PRDM16: variants seen among roughly 807,000 people sequenced by gnomAD.
PRDM16 encodes histone-lysine N-methyltransferase PRDM16.
A neutral mutation model predicts 110.6 loss-of-function variants in PRDM16; 23 were observed. The ratio of observed to expected loss-of-function variants is 0.21; its 90% CI spans 0.15 to 0.29. The LOEUF is 0.29. PRDM16 is among the 10% of genes least tolerant of loss of function. PRDM16 has a pLI of 1.00. For missense variants in PRDM16, 1,615 were observed against 1,794.3 expected (o/e 0.90, Z 1.81); for synonymous variants, 799 against 781.8 (o/e 1.02, Z -0.37).
rs1642662741 is a variant in PRDM16 at position 3,358,887 on chromosome 1, G to A, written c.439-26265G>A. ...ACAGACACCCCTCTTGGGCCGCAGA[G>A]GAGGTGGGGAAGCCGTGAAGATGTT... is the stretch of plus-strand genomic sequence containing the variant. On this transcript the variant is annotated intron_variant, in intron 3 of 16. Transcript: ENST00000270722. This position sits in a 1 kb window ranked among gnomAD's most constrained non-coding sequence, Gnocchi z 4.0. 6.6e-6 allele frequency among the ~76,000 whole-genome samples: 1 copy of A among 152,194 alleles called. No homozygotes were observed. Among genetic ancestry groups the A allele is most frequent in the Admixed American group, 6.5e-5 (1 of 15,276 alleles).
intron 16 of PRDM16, 23 bp from the exon 17 acceptor site, chr1:3,433,654 G>T: frequency 6.2e-7 from 1 of 1,608,512 alleles, no homozygotes; most frequent in Admixed American, 1.7e-5. Flanking sequence ...TGTCCTGTGT[G>T]TGTGTCATCC....
At chr1:3,357,564 C>A (rs952065037) in intron 3 of PRDM16, among the ~76,000 whole-genome samples, 2 of 139,144 alleles carry the variant, frequency 1.4e-5, no homozygotes, top group Non-Finnish European at 2.9e-5. Flanking sequence ...CCGTTCCCCC[C>A]ACGGGCCCCC....
intron 2 of PRDM16, among the ~76,000 whole-genome samples, chr1:3,223,885 C>A (rs545555048): frequency 9.2e-5 from 14 of 152,312 alleles, no homozygotes; most frequent in African/African-American, 3.1e-4. Flanking sequence ...ACTTTAAACA[C>A]CGTGAGCAGA....
chr1:3,424,000 C>G (rs1461289601), intron 12 of PRDM16, among the ~76,000 whole-genome samples: 1 of 152,252 alleles, frequency 6.6e-6, no homozygotes, highest in Non-Finnish European at 1.5e-5. Context: ...AGGCATGGCA[C>G]ACACGCACAT....
intron 3 of PRDM16, among the ~76,000 whole-genome samples, chr1:3,366,130 AG>A (rs1024498443): frequency 6.6e-6 from 1 of 152,196 alleles, no homozygotes; most frequent in Non-Finnish European, 1.5e-5. Context: ...CCTGTGGCTC[AG>A]GGGGGCTCTA....
chr1:3,203,006 A>C (rs921879486), intron 2 of PRDM16, among the ~76,000 whole-genome samples: 12 of 152,002 alleles, frequency 7.9e-5, no homozygotes, highest in African/African-American at 2.7e-4. Context: ...CACTGGTCGT[A>C]CCCTTGCCCC....
intron 1 of PRDM16, among the ~76,000 whole-genome samples, chr1:3,097,004 G>A (rs1642417037): frequency 6.6e-6 from 1 of 152,142 alleles, no homozygotes; most frequent in Non-Finnish European, 1.5e-5. Context: ...GCTCCCTCTG[G>A]GAGCCACCTG....
chr1:3,223,186 T>G (rs1639214922), intron 2 of PRDM16, among the ~76,000 whole-genome samples: 1 of 143,362 alleles, frequency 7.0e-6, no homozygotes. Flanking sequence ...CTTGGCTCAC[T>G]GCAACCTCCG....
At chr1:3,407,982 C>T (rs1387549066) in intron 8 of PRDM16, among the ~76,000 whole-genome samples, 3 of 152,196 alleles carry the variant, frequency 2.0e-5, no homozygotes, top group Admixed American at 2.0e-4. Context: ...GAAATTAGAT[C>T]AGACACAAGC....
intron 1 of PRDM16, among the ~76,000 whole-genome samples, chr1:3,134,915 T>G (rs1643406181): frequency 6.6e-6 from 1 of 151,924 alleles, no homozygotes; most frequent in Non-Finnish European, 1.5e-5. Flanking sequence ...TCGGGCCGGG[T>G]ATTAGCCGGG....
At chr1:3,432,859 G>T (rs1415073436) in intron 16 of PRDM16, among the ~76,000 whole-genome samples, 1 of 152,176 alleles carries the variant, frequency 6.6e-6, no homozygotes, top group Non-Finnish European at 1.5e-5. Context: ...TGCTCCCCAG[G>T]TCCCATCCCC....
chr1:3,238,389 A>T (rs1015621618), intron 2 of PRDM16, among the ~76,000 whole-genome samples: 2 of 152,206 alleles, frequency 1.3e-5, no homozygotes, highest in African/African-American at 4.8e-5. Context: ...GCCTCCATTC[A>T]TTGGATGGAT....
chr1:3,225,610 AG>A (rs896919048), intron 2 of PRDM16, among the ~76,000 whole-genome samples: 19 of 151,646 alleles, frequency 1.3e-4, no homozygotes, highest in Non-Finnish European at 2.6e-4. Flanking sequence ...AAGGAAGATC[AG>A]TTAAGGGATG....
At chr1:3,238,391 T>G (rs1357840183) in intron 2 of PRDM16, among the ~76,000 whole-genome samples, 1 of 152,152 alleles carries the variant, frequency 6.6e-6, no homozygotes, top group Non-Finnish European at 1.5e-5. Flanking sequence ...CTCCATTCAT[T>G]GGATGGATCT....
chr1:3,267,906 C>A (rs1308270472), intron 3 of PRDM16, among the ~76,000 whole-genome samples: 1 of 152,210 alleles, frequency 6.6e-6, no homozygotes, highest in East Asian at 1.9e-4. Context: ...GGAATCCAAG[C>A]CAGGATGGAG....
intron 1 of PRDM16, among the ~76,000 whole-genome samples, chr1:3,178,058 C>T (rs1279985075): frequency 1.3e-5 from 2 of 152,172 alleles, no homozygotes; most frequent in Non-Finnish European, 2.9e-5. Context: ...TTGCAAGGCT[C>T]GGCCATGGCT....
intron 5 of PRDM16, among the ~76,000 whole-genome samples, chr1:3,398,044 A>G (rs1029130372): frequency 7.2e-5 from 11 of 152,194 alleles, no homozygotes; most frequent in East Asian, 1.9e-4. Flanking sequence ...AGAAAAATCA[A>G]TTGCCGAGAT....
rs891879209 is a variant in PRDM16, at chr1:3,385,151, G to C, written c.439-1G>C. 6.8e-6 allele frequency: 11 copies of C among 1,613,360 alleles called. No individual in the cohort carries two copies. The African/African-American group carries it at 1.2e-4, about 18-fold the overall frequency. On this transcript the variant is annotated splice_acceptor_variant, in intron 3 of 16. Coordinates refer to ENST00000270722, the MANE Select transcript of PRDM16 (RefSeq NM_022114.4). LOFTEE classifies it high-confidence loss of function. ...CTCCCGCTTCGCTTTCCTCCCAGCAGATCTCCGAAGACCTGGGCAGTGAGA... is the reference window on the plus strand; with the variant it reads ...CTCCCGCTTCGCTTTCCTCCCAGCACATCTCCGAAGACCTGGGCAGTGAGA...
At chr1:3,165,998 T>C (rs1000428791) in intron 1 of PRDM16, among the ~76,000 whole-genome samples, 1 of 152,168 alleles carries the variant, frequency 6.6e-6, no homozygotes. Flanking sequence ...ACAAGGTGCA[T>C]GGTGAGCAAG....
Sources: gnomAD v4.1 joint callset for allele counts (sites outside exome capture counted in the v4.1 genomes callset) on GRCh38, gnomAD v4.1.1 for gene constraint, Gnocchi (gnomAD v3.1) non-coding constraint, MANE v1.5 for transcripts, NCBI Gene and HGNC (gene_info 2026-07-23, HGNC 2026-07-21) for gene names.